SAG: variants seen among roughly 807,000 people sequenced by gnomAD.
SAG encodes the protein S-arrestin.
A neutral mutation model predicts 55.0 loss-of-function variants in SAG; 45 were observed. The ratio of observed to expected loss-of-function variants is 0.82; its 90% CI spans 0.64 to 1.05. SAG has a LOEUF of 1.05. SAG is among the 50% of genes least tolerant of loss of function. The pLI is 0.00. For missense variants in SAG, 455 were observed against 512.1 expected (o/e 0.89, Z 1.08); for synonymous variants, 189 against 197.4 (o/e 0.96, Z 0.36).
intron 12 of SAG, among the ~76,000 whole-genome samples, chr2:233,339,498 T>G (rs1266022969): frequency 2.0e-5 from 3 of 151,330 alleles, no homozygotes; most frequent in Non-Finnish European, 2.9e-5. Flanking sequence ...TCTAACAAAG[T>G]AGAACATGGG....
intron 15 of SAG, 128 bp from the exon 16 acceptor site, chr2:233,346,679 C>T (rs538183428): frequency 2.7e-5 from 21 of 766,198 alleles, no homozygotes; most frequent in African/African-American, 1.2e-4. Context: ...AGGAAAATGG[C>T]GTGCCCCCAT....
At chr2:233,336,334 G>A (rs1193993120) in intron 11 of SAG, among the ~76,000 whole-genome samples, 2 of 152,172 alleles carry the variant, frequency 1.3e-5, no homozygotes, top group African/African-American at 2.4e-5. Flanking sequence ...GGCCAACATG[G>A]TGAAACCCTG....
intron 2 of SAG, among the ~76,000 whole-genome samples, chr2:233,309,541 A>G (rs887340227): frequency 6.6e-6 from 1 of 152,190 alleles, no homozygotes; most frequent in African/African-American, 2.4e-5. Context: ...CAGACTTGGG[A>G]GGCTGAGGCA....
intron 2 of SAG, among the ~76,000 whole-genome samples, chr2:233,315,614 A>G (rs945759661): frequency 1.3e-5 from 2 of 151,614 alleles, no homozygotes; most frequent in Non-Finnish European, 2.9e-5. Context: ...TCTTGTGACA[A>G]AGAGGGGCTA....
chr2:233,343,437 G>C (rs1046989628), intron 14 of SAG: 3 of 216,002 alleles, frequency 1.4e-5, no homozygotes, highest in Admixed American at 5.8e-5. Context: ...GAAAATACTA[G>C]AAAAGAGGGT....
At chr2:233,315,942 CGCCCGCCTTGGCCTCCCAAAGTGCTA>C in intron 2 of SAG, 107 bp from the exon 3 acceptor site, 3 of 618,370 alleles carry the variant, frequency 4.9e-6, no homozygotes, top group Non-Finnish European at 8.8e-6. Context: ...CCTCGTGATC[CGCCCGCCTTGGCCTCCCAAAGTGCTA>C]AGATTACAGG....
intron 1 of SAG, 131 bp from the exon 2 acceptor site, chr2:233,309,031 A>G: frequency 1.8e-6 from 1 of 567,076 alleles, no homozygotes; most frequent in East Asian, 2.9e-5. Flanking sequence ...CGGATGTTGA[A>G]GCCGGTACAA....
At chr2:233,308,086 G>A (rs1414297424) in intron 1 of SAG, 64 bp downstream of exon 1, 1 of 152,502 alleles carries the variant, frequency 6.6e-6, no homozygotes, top group Non-Finnish European at 1.5e-5. Flanking sequence ...GAAGAGCAAG[G>A]ATGGGCGTTT....
At chr2:233,339,409 C>T (rs914024803) in intron 12 of SAG, among the ~76,000 whole-genome samples, 1 of 152,186 alleles carries the variant, frequency 6.6e-6, no homozygotes, top group Non-Finnish European at 1.5e-5. Flanking sequence ...AAAGGCAAGT[C>T]TGTGCCTAGG....
intron 11 of SAG, among the ~76,000 whole-genome samples, chr2:233,335,611 C>T (rs1700901181): frequency 6.6e-6 from 1 of 152,060 alleles, no homozygotes; most frequent in Non-Finnish European, 1.5e-5. Flanking sequence ...CCATTTCCAT[C>T]AGGAATTGTA....
At chr2:233,341,886 AG>A (rs1267458215) in intron 13 of SAG, among the ~76,000 whole-genome samples, 1 of 152,188 alleles carries the variant, frequency 6.6e-6, no homozygotes, top group Non-Finnish European at 1.5e-5. Context: ...TGAGAGGCTG[AG>A]GCAGGTGGAT....
intron 6 of SAG, 104 bp downstream of exon 6, chr2:233,323,109 G>A (rs1700437120): frequency 4.0e-6 from 3 of 753,914 alleles, no homozygotes; most frequent in African/African-American, 1.8e-5. Context: ...CCAATGCTGG[G>A]GTGCAGTGGC....
At chr2:233,311,580 A>T (rs1049574180) in intron 2 of SAG, among the ~76,000 whole-genome samples, 5 of 152,286 alleles carry the variant, frequency 3.3e-5, no homozygotes, top group South Asian at 4.1e-4. Context: ...GCTTTTATCC[A>T]GGAAGAAGGG....
intron 11 of SAG, 54 bp from the exon 12 acceptor site, chr2:233,338,622 C>T: frequency 4.0e-6 from 6 of 1,503,494 alleles, no homozygotes; most frequent in Non-Finnish European, 5.6e-6. Context: ...TGCCCATCTG[C>T]TCTTCACCCT....
chr2:233,341,569 C>T (rs775069059), intron 13 of SAG, among the ~76,000 whole-genome samples: 5 of 152,160 alleles, frequency 3.3e-5, no homozygotes, highest in Non-Finnish European at 7.3e-5. Context: ...AATAACACTA[C>T]GCTAAGTGAA....
In SAG at chr2:233,327,196, A is replaced by G. The variant is rs552862207; in HGVS notation, c.511A>G (p.Lys171Glu). Residue 171 changes from lysine to glutamate, a missense_variant and splice_region_variant, in exon 7 of 16, where the codon AAG becomes GAG. Lys to Glu is a moderately conservative substitution (Grantham distance 56). Coordinates refer to ENST00000409110, the MANE Select transcript of SAG (RefSeq NM_000541.5). ...TDAEEDKIPK[K>E]SSVRLLIRKV... Reference sequence around the variant, plus strand: ...TGCCGAAGAGGACAAAATCCCCAAGAAGTAAGAGTATGGTTGCGGAATAGG... The same window carrying G: ...TGCCGAAGAGGACAAAATCCCCAAGGAGTAAGAGTATGGTTGCGGAATAGG... 6.0e-4 allele frequency: 960 copies of G among 1,612,924 alleles called. 10 individuals are homozygous for G. The South Asian group carries it at 1.0e-2, about 17-fold the overall frequency.
At chr2:233,337,200 C>T (rs1013897972) in intron 11 of SAG, among the ~76,000 whole-genome samples, 12 of 151,922 alleles carry the variant, frequency 7.9e-5, no homozygotes, top group Admixed American at 3.3e-4. Context: ...GGCCATACTC[C>T]GCAAGTCCAG....
chr2:233,327,104 C>T lies in SAG; in HGVS notation c.436-17C>T. 6.2e-7 allele frequency: 1 copy of T among 1,610,382 alleles called. No individual in the cohort carries two copies. The stretch of plus-strand genomic sequence containing the variant: ...GGAGTCGCTGATCGCTGCCTGTCTG[C>T]TCTCTCTCCCCAACAGTCCTGTGGG... On this transcript the variant is annotated splice_polypyrimidine_tract_variant and intron_variant, in intron 6 of 15. Coordinates refer to ENST00000409110, the MANE Select transcript of SAG (RefSeq NM_000541.5).
chr2:233,341,305 G>A (rs749117699), intron 13 of SAG, among the ~76,000 whole-genome samples: 2 of 152,072 alleles, frequency 1.3e-5, no homozygotes, highest in Non-Finnish European at 2.9e-5. Context: ...CACTATGCCC[G>A]ACTAAGAGCT....
Sources: gnomAD v4.1 joint callset for allele counts (sites outside exome capture counted in the v4.1 genomes callset) on GRCh38, gnomAD v4.1.1 for gene constraint, MANE v1.5 for transcripts, NCBI Gene and HGNC (gene_info 2026-07-23, HGNC 2026-07-21) for gene names.